Variants in NRP2 observed in about 807,000 individuals in gnomAD.
NRP2 encodes neuropilin-2.
Under a neutral mutation model 110.4 loss-of-function variants are expected in NRP2, and 52 were observed. The observed-to-expected ratio is 0.47, with a 90% CI of 0.38 to 0.59. The LOEUF is 0.59. NRP2 is among the 20% of genes least tolerant of loss of function. NRP2 has a pLI of 0.00. For missense variants in NRP2, 1,049 were observed against 1,203.0 expected, an observed-to-expected ratio of 0.87 and a Z score of 1.89; for synonymous variants, 508 against 468.9, an observed-to-expected ratio of 1.08 and a Z score of -1.08.
intron 12 of NRP2, among the ~76,000 whole-genome samples, chr2:205,757,897 C>T (rs2057758505): frequency 6.7e-6 from 1 of 148,446 alleles, no homozygotes; most frequent in African/African-American, 2.5e-5. Context: ...TTTCTTTACC[C>T]TTTTTTTTTT....
intron 2 of NRP2, among the ~76,000 whole-genome samples, chr2:205,700,113 C>T (rs1235305462): frequency 6.6e-6 from 1 of 152,224 alleles, no homozygotes; most frequent in African/African-American, 2.4e-5. Flanking sequence ...TCCCCACTGC[C>T]TTGTTTTACT....
At chr2:205,697,802 A>G (rs904781527) in intron 2 of NRP2, 81 bp downstream of exon 2, 2 of 1,377,506 alleles carry the variant, frequency 1.5e-6, no homozygotes, top group South Asian at 1.2e-5. Context: ...TGTCACTTCT[A>G]TCACCCCTCA....
Position 205,716,271 on chromosome 2 carries a change from G to T in NRP2, c.330G>T (p.Pro110=). Residue 110 remains proline, a synonymous_variant, in exon 3 of 17, where the codon CCG becomes CCT. Transcript: ENST00000357785. ...GCAAACACTGTGGGAACATCGCCCC[G>T]CCCACCATCATCTCCTCGGGCTCCA... is the stretch of plus-strand genomic sequence containing the variant. The part of the protein sequence containing the change: ...LLGKHCGNIA[P]PTIISSGSML... The T allele has an allele frequency of 3.7e-6, 6 of 1,614,144 alleles. No individual in the cohort carries two copies. Among genetic ancestry groups the T allele is most frequent in the Non-Finnish European group, 5.1e-6 (6 of 1,180,030 alleles).
intron 15 of NRP2, chr2:205,777,252 T>C: frequency 1.6e-6 from 1 of 612,810 alleles, no homozygotes; most frequent in Non-Finnish European, 2.0e-6. Flanking sequence ...CCCATCCCTA[T>C]CCCCAACCCA....
In NRP2 at chr2:205,794,926, C is replaced by T. The variant is rs778169084; in HGVS notation, c.2649C>T (p.Leu883=). 7.2e-5 allele frequency: 116 copies of T among 1,614,062 alleles called. No homozygotes were observed. The highest frequency in any genetic ancestry group is 9.7e-5 in the Non-Finnish European group (115 of 1,180,024). Residue 883 remains leucine, a synonymous_variant, in exon 17 of 17, where the codon CTC becomes CTT. Transcript: ENST00000357785. Reference sequence around the variant, plus strand: ...GGGCCACCTGTGCAGGCCTCCTGCTCTACTGCACCTGTTCCTACTCGGGCC... The same window carrying T: ...GGGCCACCTGTGCAGGCCTCCTGCTTTACTGCACCTGTTCCTACTCGGGCC... The part of the protein sequence containing the change: ...LLGATCAGLL[L]YCTCSYSGLS...
chr2:205,748,433 G>A (rs2057579753), intron 10 of NRP2, among the ~76,000 whole-genome samples: 2 of 152,146 alleles, frequency 1.3e-5, no homozygotes, highest in Non-Finnish European at 2.9e-5. Context: ...GAGTTTCTAT[G>A]ACACAGTGAC....
chr2:205,709,105 T>G (rs868553662), intron 2 of NRP2, among the ~76,000 whole-genome samples: 11 of 152,350 alleles, frequency 7.2e-5, no homozygotes, highest in Admixed American at 2.6e-4. Flanking sequence ...AGACAGCAGA[T>G]GGAGGACGGG....
chr2:205,714,789 C>T (rs996485687), intron 2 of NRP2, among the ~76,000 whole-genome samples: 1 of 152,126 alleles, frequency 6.6e-6, no homozygotes, highest in African/African-American at 2.4e-5. Flanking sequence ...TAATCCTGGC[C>T]CACTCCTTAG....
chr2:205,731,553 G>C (rs982350335), intron 7 of NRP2, among the ~76,000 whole-genome samples: 4 of 152,180 alleles, frequency 2.6e-5, no homozygotes, highest in African/African-American at 9.7e-5. Flanking sequence ...ACGGGGGAGA[G>C]AGACTACTGC....
At chr2:205,718,701 G>A (rs13429361) in intron 3 of NRP2, among the ~76,000 whole-genome samples, 2,641 of 152,288 alleles carry the variant, frequency 0.017, 68 homozygotes, top group African/African-American at 0.059. Flanking sequence ...CAGCACTTTG[G>A]GAGGTTGTGG....
chr2:205,791,228 C>T (rs1281299689), intron 15 of NRP2, among the ~76,000 whole-genome samples: 2 of 152,060 alleles, frequency 1.3e-5, no homozygotes, highest in Non-Finnish European at 2.9e-5. Context: ...TCTTTTAAGC[C>T]TTGATTTTTG....
Position 205,725,868 on chromosome 2 carries a change from T to C in NRP2, c.821-45T>C. 1 of 1,607,296 alleles carries C rather than the reference T, an allele frequency of 6.2e-7. No homozygotes were observed. Among genetic ancestry groups the C allele is most frequent in the East Asian group, 2.2e-5 (1 of 44,820 alleles). On this transcript the variant is annotated intron_variant, in intron 5 of 16. Transcript: ENST00000357785. This position sits in a 1 kb window ranked among gnomAD's most constrained non-coding sequence, Gnocchi z 4.1. Reference sequence around the variant, plus strand: ...GCAGCATTTGGGGGATCCCGAGGTATGAGGTTGGAAGGCCTAACTGCATTT... The same window carrying C: ...GCAGCATTTGGGGGATCCCGAGGTACGAGGTTGGAAGGCCTAACTGCATTT...
chr2:205,765,049 A>G (rs1266947546), intron 13 of NRP2, among the ~76,000 whole-genome samples: 1 of 152,132 alleles, frequency 6.6e-6, no homozygotes, highest in Admixed American at 6.5e-5. Flanking sequence ...TATGTGCTGT[A>G]TTTCTCACAT....
At chr2:205,779,520 C>T (rs1034799347) in intron 15 of NRP2, 7 of 152,270 alleles carry the variant, frequency 4.6e-5, no homozygotes, top group South Asian at 2.1e-4. Flanking sequence ...CCTAAATAAT[C>T]GAAAATTACC....
chr2:205,782,922 C>T (rs1199607213), intron 15 of NRP2, among the ~76,000 whole-genome samples: 1 of 151,838 alleles, frequency 6.6e-6, no homozygotes, highest in African/African-American at 2.4e-5. Flanking sequence ...TCTTTGGGCA[C>T]ATGTTTTACA....
rs150425542 is a variant in NRP2, at chr2:205,790,831, C to T, written c.2426-1404C>T. Reference sequence around the variant, plus strand: ...GGGAATGGGCGTTGAGGTGGGGAGGCTGGCGTGGCCTGCAGGTGCCACTTG... The same window carrying T: ...GGGAATGGGCGTTGAGGTGGGGAGGTTGGCGTGGCCTGCAGGTGCCACTTG... On this transcript the variant is annotated intron_variant, in intron 15 of 16. Coordinates refer to ENST00000357785, the MANE Select transcript of NRP2 (RefSeq NM_003872.3). Among the ~76,000 whole-genome samples, 1,426 of 152,226 alleles carry T rather than the reference C, an allele frequency of 9.4e-3. 13 individuals are homozygous for T. Among genetic ancestry groups the T allele is most frequent in the Non-Finnish European group, 0.016 (1,104 of 68,014 alleles).
chr2:205,761,254 A>T (rs1246334968), intron 12 of NRP2, among the ~76,000 whole-genome samples: 2 of 152,222 alleles, frequency 1.3e-5, no homozygotes, highest in African/African-American at 4.8e-5. Context: ...CCATTCATTC[A>T]TAGAAACAAA....
At chr2:205,785,510 G>A (rs1288708783) in intron 15 of NRP2, among the ~76,000 whole-genome samples, 1 of 152,192 alleles carries the variant, frequency 6.6e-6, no homozygotes, top group African/African-American at 2.4e-5. Context: ...AGAGCCAATT[G>A]CTTGTTCACA....
Position 205,797,074 on chromosome 2 carries a change from A to T in NRP2, c.*2016A>T, listed in dbSNP as rs548144818. ...TTTGAGTTCTCTGTATCTACTGTGT[A>T]TGTGAATGGTCATGTGGGACTCAGT... On this transcript the variant is annotated 3_prime_UTR_variant, in exon 17 of 17. Transcript: ENST00000357785. The T allele has an allele frequency of 1.3e-5, 2 of 152,726 alleles. No homozygotes were observed. Among genetic ancestry groups the T allele is most frequent in the South Asian group, 4.2e-4 (2 of 4,816 alleles). The allele number at this position is 152,726 out of a possible 1,614,324, so 9.5% of individuals were successfully genotyped here.
Sources: allele counts gnomAD v4.1 joint callset (sites outside exome capture counted in the v4.1 genomes callset), GRCh38; gene constraint gnomAD v4.1.1; non-coding constraint Gnocchi (gnomAD v3.1); transcripts MANE v1.5; gene names NCBI Gene and HGNC (gene_info 2026-07-23, HGNC 2026-07-21).